The following NUP153 variants were observed in gnomAD, a reference collection of about 807,000 sequenced individuals.
The protein encoded by NUP153 is nuclear pore complex protein Nup153.
NUP153 carries 27 observed loss-of-function variants against 134.6 expected under a neutral mutation model. The observed-to-expected ratio is 0.20, with a 90% CI of 0.15 to 0.28. The LOEUF is 0.28. NUP153 is among the 10% of genes least tolerant of loss of function. The pLI, the probability that NUP153 is intolerant of heterozygous loss-of-function variation, is 1.00. For missense variants in NUP153, 1,821 were observed against 1,731.3 expected (o/e 1.05, Z -0.92); for synonymous variants, 640 against 623.5 (o/e 1.03, Z -0.40).
chr6:17,677,706 T>A (rs1768304101), intron 2 of NUP153, among the ~76,000 whole-genome samples: 1 of 150,398 alleles, frequency 6.6e-6, no homozygotes, highest in South Asian at 2.1e-4. Flanking sequence ...GTCACACACT[T>A]GTTAAAGTAC....
chr6:17,688,330 G>C, intron 2 of NUP153, 66 bp downstream of exon 2: 1 of 1,174,822 alleles, frequency 8.5e-7, no homozygotes, highest in Non-Finnish European at 1.3e-6. Context: ...CCATAACTAG[G>C]TAGTGTCTTC....
intron 13 of NUP153, among the ~76,000 whole-genome samples, chr6:17,646,408 G>A (rs889144197): frequency 7.2e-4 from 109 of 152,000 alleles, no homozygotes; most frequent in African/African-American, 1.6e-3. Flanking sequence ...GGGTTTCACT[G>A]TGTTAGCCAG....
At chr6:17,674,553 G>A (rs1433724066) in intron 5 of NUP153, among the ~76,000 whole-genome samples, 6 of 152,130 alleles carry the variant, frequency 3.9e-5, no homozygotes, top group Non-Finnish European at 5.9e-5. Flanking sequence ...CGCATCACGA[G>A]GTCAAGAGAT....
chr6:17,640,056 C>A lies in NUP153; in HGVS notation c.1729G>T (p.Val577Phe), dbSNP rs766804576. The change falls in exon 15 of 22, where the codon GTC becomes TTC. Residue 577 changes from valine to phenylalanine, a missense_variant. Transcript: ENST00000262077. ...CAATTTGTACTGTTCACTGTAGTGA[C>A]ATGATGAGCTGTAATTTTTTTAAAT... ...EPIISSSAHH[V>F]TTVNSTNCKK... The A allele has an allele frequency of 2.6e-6, 4 of 1,560,250 alleles. No individual in the cohort carries two copies. The East Asian group carries it at 9.2e-5, about 36-fold the overall frequency.
At chr6:17,662,307 T>C (rs961539354) in intron 9 of NUP153, among the ~76,000 whole-genome samples, 1 of 152,192 alleles carries the variant, frequency 6.6e-6, no homozygotes, top group Non-Finnish European at 1.5e-5. Flanking sequence ...AATGGTAGTA[T>C]ACAGACAATA....
intron 1 of NUP153, among the ~76,000 whole-genome samples, chr6:17,701,429 C>G (rs564571421): frequency 1.3e-5 from 2 of 151,972 alleles, no homozygotes; most frequent in South Asian, 4.1e-4. Context: ...TTTGGGAGGT[C>G]AAGGCAGGTG....
At chr6:17,632,533 A>G in intron 17 of NUP153, 117 bp downstream of exon 17, 1 of 685,784 alleles carries the variant, frequency 1.5e-6, no homozygotes, top group Non-Finnish European at 2.3e-6. Flanking sequence ...CTCATTTTAT[A>G]TTAATTTTCA....
At chr6:17,693,186 A>ACACACAC (rs1471527822) in intron 1 of NUP153, among the ~76,000 whole-genome samples, 2 of 70,540 alleles carry the variant, frequency 2.8e-5, no homozygotes, top group East Asian at 4.7e-4. Context: ...TTTTTCCTAC[A>ACACACAC]CACACACACA....
rs1292136023 is a variant in NUP153 at position 17,639,637 on chromosome 6, A to T, written c.1846+302T>A. The stretch of plus-strand genomic sequence containing the variant: ...GGCAGTTCAGTGCTCTCATAAGAGA[A>T]AGACATGTCTATGTGTATCATCAGG... On this transcript the variant is annotated intron_variant, in intron 15 of 21. Coordinates refer to ENST00000262077, the MANE Select transcript of NUP153 (RefSeq NM_005124.4). Among the ~76,000 whole-genome samples, 4 of 152,160 alleles carry T rather than the reference A, an allele frequency of 2.6e-5. No individual in the cohort carries two copies. The East Asian group carries it at 7.7e-4, about 29-fold the overall frequency.
chr6:17,705,790 C>T (rs1770444384), intron 1 of NUP153, among the ~76,000 whole-genome samples: 1 of 151,816 alleles, frequency 6.6e-6, no homozygotes, highest in African/African-American at 2.4e-5. Context: ...TGTAACAGCG[C>T]CCCCCACAAC....
At chr6:17,659,215 A>T (rs1767021911) in intron 11 of NUP153, among the ~76,000 whole-genome samples, 1 of 152,260 alleles carries the variant, frequency 6.6e-6, no homozygotes, top group South Asian at 2.1e-4. Flanking sequence ...ACACTTCCGC[A>T]ACAGCGGGAT....
chr6:17,681,316 G>A (rs919562038), intron 2 of NUP153, among the ~76,000 whole-genome samples: 11 of 152,182 alleles, frequency 7.2e-5, no homozygotes, highest in Admixed American at 3.3e-4. Flanking sequence ...TTACCAGAAG[G>A]CGGCTCATGC....
chr6:17,685,246 C>A (rs749097316), intron 2 of NUP153, among the ~76,000 whole-genome samples: 9,494 of 152,238 alleles, frequency 0.062, 393 homozygotes, highest in Non-Finnish European at 0.084. Context: ...TAGTCATGTG[C>A]CACATAAGAA....
At chr6:17,642,562 T>C (rs1162715987) in intron 14 of NUP153, among the ~76,000 whole-genome samples, 2 of 152,206 alleles carry the variant, frequency 1.3e-5, no homozygotes, top group Admixed American at 6.5e-5. Flanking sequence ...ATACTAAGTG[T>C]TGGTGAAGTT....
intron 8 of NUP153, among the ~76,000 whole-genome samples, chr6:17,666,334 T>C (rs543719260): frequency 1.1e-4 from 16 of 151,924 alleles, no homozygotes; most frequent in African/African-American, 3.4e-4. Flanking sequence ...CTGGCCAACA[T>C]GGTGAAAACG....
chr6:17,624,867 G>T (rs1764850032), intron 19 of NUP153, 34 bp from the exon 20 acceptor site: 1 of 1,520,078 alleles, frequency 6.6e-7, no homozygotes, highest in African/African-American at 1.4e-5. Context: ...AGTCACCATG[G>T]TGGCTAATGT....
At chr6:17,671,586 C>T (rs1767911942) in intron 5 of NUP153, among the ~76,000 whole-genome samples, 1 of 152,092 alleles carries the variant, frequency 6.6e-6, no homozygotes, top group African/African-American at 2.4e-5. Flanking sequence ...ATGCTGAACA[C>T]TACAAAACAC....
intron 2 of NUP153, among the ~76,000 whole-genome samples, chr6:17,676,358 G>A (rs1252371038): frequency 6.6e-6 from 1 of 152,072 alleles, no homozygotes; most frequent in Non-Finnish European, 1.5e-5. Flanking sequence ...AATTCCCAGA[G>A]TCTTTATTCC....
At chr6:17,658,634 G>C (rs1400078982) in intron 11 of NUP153, among the ~76,000 whole-genome samples, 3 of 152,156 alleles carry the variant, frequency 2.0e-5, no homozygotes, top group Admixed American at 2.0e-4. Flanking sequence ...CCATTCTATG[G>C]TCATTCACCA....
Sources: allele counts gnomAD v4.1 joint callset (sites outside exome capture counted in the v4.1 genomes callset), GRCh38; gene constraint gnomAD v4.1.1; transcripts MANE v1.5; gene names NCBI Gene and HGNC (gene_info 2026-07-23, HGNC 2026-07-21).